USP47: variants seen among roughly 807,000 people sequenced by gnomAD.
USP47 encodes the protein ubiquitin carboxyl-terminal hydrolase 47.
A neutral mutation model predicts 165.1 loss-of-function variants in USP47; 35 were observed. That is an observed-to-expected ratio of 0.21 (90% CI 0.16 to 0.28). USP47 has a LOEUF of 0.28. USP47 is among the 10% of genes least tolerant of loss of function. The probability of loss-of-function intolerance (pLI) is 1.00; values close to 1 mark genes in which losing one functional copy is unlikely to be tolerated. For missense variants in USP47, 1,277 were observed against 1,607.4 expected, an observed-to-expected ratio of 0.79 and a Z score of 3.52; for synonymous variants, 531 against 544.5, an observed-to-expected ratio of 0.98 and a Z score of 0.35.
chr11:11,844,600 A>G (rs748671680), intron 1 of USP47, among the ~76,000 whole-genome samples: 3 of 152,204 alleles, frequency 2.0e-5, no homozygotes, highest in African/African-American at 4.8e-5. Context: ...AGAGCCCTAC[A>G]TGTAATTTAG....
In USP47 at chr11:11,954,899, T is replaced by G. The variant is rs1856463569; in HGVS notation, c.3717T>G (p.Leu1239=). 1 of 1,613,112 alleles carries G rather than the reference T, an allele frequency of 6.2e-7. No individual in the cohort carries two copies. Among genetic ancestry groups the G allele is most frequent in the African/African-American group, 1.3e-5 (1 of 74,916 alleles). Residue 1239 remains leucine, a splice_region_variant and synonymous_variant, in exon 26 of 28, where the codon CTT becomes CTG. Transcript: ENST00000527733. Reference sequence around the variant, plus strand: ...AAATAAAATGTTTTATTTTACAGCTTAGTGAAATCAGTGGGATTCCTTTGG... The same window carrying G: ...AAATAAAATGTTTTATTTTACAGCTGAGTGAAATCAGTGGGATTCCTTTGG... ...SSSVDELREK[L]SEISGIPLDD...
Position 11,936,573 on chromosome 11 carries a change from T to C in USP47, c.2077+63T>C, listed in dbSNP as rs1245463865. 9.0e-6 allele frequency: 12 copies of C among 1,337,604 alleles called. No homozygotes were observed. In the East Asian group the frequency reaches 2.9e-4, roughly 33 times the overall value. The allele number at this position is 1,337,604 out of a possible 1,614,324, so 82.9% of individuals were successfully genotyped here. On this transcript the variant is annotated intron_variant, in intron 17 of 27. Transcript: ENST00000527733. ...TAGAATTTTCATGAGAAAGTTTTTT[T>C]TTTTATTGTAGAAATGAACATAATT...
chr11:11,845,114 A>T (rs1848355918), intron 1 of USP47, among the ~76,000 whole-genome samples: 1 of 152,198 alleles, frequency 6.6e-6, no homozygotes, highest in Non-Finnish European at 1.5e-5. Flanking sequence ...TTTATTTAGT[A>T]TTTTGTATGG....
At chr11:11,849,375 G>A (rs188273570) in intron 1 of USP47, among the ~76,000 whole-genome samples, 2 of 152,270 alleles carry the variant, frequency 1.3e-5, no homozygotes, top group Admixed American at 1.3e-4. Flanking sequence ...TGGCAATGTT[G>A]GGGGAGGGGA....
chr11:11,920,311 A>G, intron 9 of USP47, 31 bp from the exon 10 acceptor site: 2 of 1,602,702 alleles, frequency 1.2e-6, no homozygotes, highest in Non-Finnish European at 1.7e-6. Context: ...TATTCAATAG[A>G]CTCTCCCCCT....
At chr11:11,914,802 G>T (rs1056609833) in intron 8 of USP47, among the ~76,000 whole-genome samples, 8 of 152,106 alleles carry the variant, frequency 5.3e-5, no homozygotes, top group African/African-American at 1.9e-4. Context: ...AAACCATAAT[G>T]AATATATTAT....
intron 20 of USP47, among the ~76,000 whole-genome samples, chr11:11,944,720 T>C (rs904051049): frequency 6.6e-6 from 1 of 152,208 alleles, no homozygotes; most frequent in Non-Finnish European, 1.5e-5. Flanking sequence ...ACCACTGTTC[T>C]TTCCTTGCAT....
At chr11:11,864,085 G>A (rs144778009) in intron 1 of USP47, among the ~76,000 whole-genome samples, 33 of 152,096 alleles carry the variant, frequency 2.2e-4, no homozygotes, top group Admixed American at 7.2e-4. Flanking sequence ...GTGAGTGAGA[G>A]CTATATTTAT....
chr11:11,940,126 A>G (rs1038457006), intron 18 of USP47, among the ~76,000 whole-genome samples: 1 of 152,040 alleles, frequency 6.6e-6, no homozygotes, highest in African/African-American at 2.4e-5. Flanking sequence ...CTTTGGAATC[A>G]GATCACTCAT....
chr11:11,874,684 G>A (rs936045011), intron 1 of USP47, among the ~76,000 whole-genome samples: 3 of 151,494 alleles, frequency 2.0e-5, no homozygotes, highest in East Asian at 1.9e-4. Context: ...CTCAGCCTCC[G>A]GAGTAGCTGG....
chr11:11,860,622 A>G (rs1326555949), intron 1 of USP47, among the ~76,000 whole-genome samples: 1 of 152,238 alleles, frequency 6.6e-6, no homozygotes. Context: ...AATAATAAGT[A>G]GAATGTTCAT....
intron 1 of USP47, among the ~76,000 whole-genome samples, chr11:11,878,010 G>T (rs189569228): frequency 2.0e-5 from 3 of 151,768 alleles, no homozygotes; most frequent in African/African-American, 7.3e-5. Context: ...GGAAAAGAAG[G>T]GCTATTACTA....
At chr11:11,950,133 ATTAGT>A (rs1400568935) in intron 23 of USP47, 129 bp downstream of exon 23, 8 of 749,582 alleles carry the variant, frequency 1.1e-5, no homozygotes, top group South Asian at 2.0e-5. Flanking sequence ...AGTATGACAG[ATTAGT>A]TTAATAGGAC....
Position 11,938,344 on chromosome 11 carries a change from T to G in USP47, c.2165T>G (p.Val722Gly), listed in dbSNP as rs761606687. 3.1e-6 allele frequency: 5 copies of G among 1,611,928 alleles called. No homozygotes were observed. The highest frequency in any genetic ancestry group is 4.2e-6 in the Non-Finnish European group (5 of 1,178,702). The change falls in exon 18 of 28, where the codon GTT becomes GGT. Residue 722 changes from valine to glycine, a missense_variant. Physicochemically the swap from Val to Gly is moderately radical, Grantham distance 109. Transcript: ENST00000527733. ...GTTCGTGCTTACTTAAATCAGACAGTTACAGAATTCAAACAACTGATTTCA... is the reference window on the plus strand; with the variant it reads ...GTTCGTGCTTACTTAAATCAGACAGGTACAGAATTCAAACAACTGATTTCA... ...ITVRAYLNQT[V>G]TEFKQLISKA...
chr11:11,925,093 T>G (rs569522616), intron 11 of USP47, among the ~76,000 whole-genome samples: 2 of 151,922 alleles, frequency 1.3e-5, no homozygotes, highest in South Asian at 4.1e-4. Flanking sequence ...TCCTTGATGT[T>G]TTTTTGTTTT....
intron 14 of USP47, among the ~76,000 whole-genome samples, chr11:11,931,353 A>G (rs913233287): frequency 6.6e-6 from 1 of 152,190 alleles, no homozygotes; most frequent in African/African-American, 2.4e-5. Flanking sequence ...ATCTTTTCAC[A>G]TAAAGTATAT....
At chr11:11,857,864 C>T (rs192340456) in intron 1 of USP47, among the ~76,000 whole-genome samples, 5 of 152,278 alleles carry the variant, frequency 3.3e-5, no homozygotes, top group South Asian at 2.1e-4. Context: ...AGACTGATTA[C>T]GGGCCAAATC....
intron 1 of USP47, among the ~76,000 whole-genome samples, chr11:11,863,793 G>A (rs1849512172): frequency 6.6e-6 from 1 of 151,678 alleles, no homozygotes; most frequent in African/African-American, 2.4e-5. Context: ...TCCACATTTG[G>A]CCAGTGCGAG....
At chr11:11,883,557 G>A (rs2134324352) in intron 2 of USP47, among the ~76,000 whole-genome samples, 1 of 152,202 alleles carries the variant, frequency 6.6e-6, no homozygotes. Flanking sequence ...AGAAATAAAG[G>A]CATTTTCATA....
Sources: allele counts gnomAD v4.1 joint callset (sites outside exome capture counted in the v4.1 genomes callset), GRCh38; gene constraint gnomAD v4.1.1; transcripts MANE v1.5; gene names NCBI Gene and HGNC (gene_info 2026-07-23, HGNC 2026-07-21).